PARD3B: variants seen among roughly 807,000 people sequenced by gnomAD.
PARD3B encodes the protein par-3 family cell polarity regulator beta.
In PARD3B, 103 loss-of-function variants were observed where a neutral mutation model predicts 130.2. The observed-to-expected ratio is 0.79, with a 90% CI of 0.67 to 0.93. The LOEUF is 0.93. Among genes scored for constraint, PARD3B ranks in the 40% least tolerant of loss-of-function variants. The probability of loss-of-function intolerance (pLI) is 0.00; values close to 1 mark genes in which losing one functional copy is unlikely to be tolerated. For missense variants in PARD3B, 1,609 were observed against 1,499.2 expected (o/e 1.07, Z -1.21); for synonymous variants, 583 against 553.2 (o/e 1.05, Z -0.76).
chr2:205,598,680 A>C (rs1311905643), intron 22 of PARD3B, among the ~76,000 whole-genome samples: 1 of 152,204 alleles, frequency 6.6e-6, no homozygotes, highest in African/African-American at 2.4e-5. Context: ...TCTCATCTGC[A>C]CAGGGAACAT....
intron 15 of PARD3B, among the ~76,000 whole-genome samples, chr2:205,194,955 T>TC (rs1468856415): frequency 1.4e-5 from 2 of 139,554 alleles, no homozygotes; most frequent in Non-Finnish European, 3.1e-5. Flanking sequence ...GGCTAATTTT[T>TC]TTTTTTTTTT....
chr2:204,712,771 G>A (rs999890883), intron 2 of PARD3B, among the ~76,000 whole-genome samples: 6 of 151,918 alleles, frequency 3.9e-5, no homozygotes, highest in Non-Finnish European at 5.9e-5. Context: ...TTAAAAAATA[G>A]AGTAATACCT....
intron 16 of PARD3B, among the ~76,000 whole-genome samples, chr2:205,255,173 C>T (rs2040026135): frequency 6.7e-6 from 1 of 150,362 alleles, no homozygotes; most frequent in African/African-American, 2.5e-5. Flanking sequence ...GAAACCTTCC[C>T]CTGCTTTCTC....
chr2:205,302,063 T>TCC (rs2042024996), intron 18 of PARD3B, among the ~76,000 whole-genome samples: 3 of 99,238 alleles, frequency 3.0e-5, no homozygotes, highest in Non-Finnish European at 4.0e-5. Context: ...CTTTTTTCTT[T>TCC]TCTTTTTTTT....
Position 205,617,024 on chromosome 2 carries a change from A to G in PARD3B, c.*1211A>G, listed in dbSNP as rs2055459350. The stretch of plus-strand genomic sequence containing the variant: ...ATGCAAAAGTGGGGGAAACGGAGAA[A>G]AGGCGCTAAGGCTAAATCCATCTGC... On this transcript the variant is annotated 3_prime_UTR_variant, in exon 23 of 23. Coordinates refer to ENST00000406610, the MANE Select transcript of PARD3B (RefSeq NM_001302769.2). 1 of 154,388 alleles carries G rather than the reference A, an allele frequency of 6.5e-6. No individual in the cohort carries two copies. The highest frequency in any genetic ancestry group is 6.5e-5 in the Admixed American group (1 of 15,288). 9.6% of individuals were successfully genotyped at this position (154,388 alleles called of 1,614,324 possible).
At chr2:205,034,786 T>C (rs896461887) in intron 3 of PARD3B, among the ~76,000 whole-genome samples, 1 of 152,184 alleles carries the variant, frequency 6.6e-6, no homozygotes, top group Non-Finnish European at 1.5e-5. Context: ...ATATTAATGA[T>C]ATATTAACAC....
At position 205,615,507 on chromosome 2, in the gene PARD3B, C is replaced by T. The variant is rs1169981278; in HGVS notation, c.3312C>T (p.Leu1104=). The T allele has an allele frequency of 8.1e-6, 13 of 1,613,736 alleles. No individual in the cohort carries two copies. The highest frequency in any genetic ancestry group is 1.1e-5 in the South Asian group (1 of 91,008). ...VDYLPAAPRG[L]YKERELPYYP... ...ATCTGCCAGCAGCACCTCGGGGGCT[C>T]TACAAGGAAAGGGAGCTTCCCTATT... The change falls in exon 23 of 23, where the codon CTC becomes CTT. Residue 1104 remains leucine (L), a synonymous_variant. Transcript: ENST00000406610.
chr2:205,088,558 A>C (rs1701884057), intron 4 of PARD3B, among the ~76,000 whole-genome samples: 1 of 152,146 alleles, frequency 6.6e-6, no homozygotes, highest in South Asian at 2.1e-4. Context: ...GGAAGAGAAA[A>C]CTATGTTAAG....
At chr2:204,766,443 T>C (rs1349233243) in intron 2 of PARD3B, among the ~76,000 whole-genome samples, 1 of 152,180 alleles carries the variant, frequency 6.6e-6, no homozygotes. Context: ...CCACCCATGG[T>C]AACTATTGTC....
At position 204,805,910 on chromosome 2, in the gene PARD3B, C is replaced by T. The variant is rs538413013; in HGVS notation, c.222+119628C>T. On this transcript the variant is annotated intron_variant, in intron 2 of 22. Transcript: ENST00000406610. ...AATAACTGAGTGTAGAAGGAACATA[C>T]CTCAACACAATAAAAGCCACATATG... 2.0e-4 allele frequency among the ~76,000 whole-genome samples: 31 copies of T among 152,132 alleles called. 1 individual carries two copies. The South Asian group carries it at 6.4e-3, about 32-fold the overall frequency.
intron 21 of PARD3B, among the ~76,000 whole-genome samples, chr2:205,505,651 G>A: frequency 6.6e-6 from 1 of 152,160 alleles, no homozygotes; most frequent in Admixed American, 6.5e-5. Context: ...CATAATACCT[G>A]TTATCTGCTG....
chr2:204,860,894 C>T (rs2125626610), intron 2 of PARD3B, among the ~76,000 whole-genome samples: 1 of 152,236 alleles, frequency 6.6e-6, no homozygotes, highest in South Asian at 2.1e-4. Context: ...AGCAGTGGTT[C>T]TTGTTTAGCA....
chr2:205,583,400 T>TGTGTGCGC lies in PARD3B; in HGVS notation c.3260+29998_3260+29999insTGTGCGCG, dbSNP rs1192785640. On this transcript the variant is annotated intron_variant, in intron 22 of 22. Transcript: ENST00000406610. ...CTCTGTGTGTGTGTGTGTGTGTGTG[T>TGTGTGCGC]GCGCGCGCACGCGCGTGTGAGAGAG... Among the ~76,000 whole-genome samples the TGTGTGCGC allele has an allele frequency of 3.0e-3, 402 of 133,992 alleles. 3 individuals are homozygous for TGTGTGCGC. Among genetic ancestry groups the TGTGTGCGC allele is most frequent in the East Asian group, 0.017 (81 of 4,786 alleles). The allele number at this position is 133,992 out of a possible 152,430, so 87.9% of individuals were successfully genotyped here.
chr2:205,543,544 T>C (rs1055730683), intron 21 of PARD3B, among the ~76,000 whole-genome samples: 1 of 152,210 alleles, frequency 6.6e-6, no homozygotes, highest in African/African-American at 2.4e-5. Flanking sequence ...ACAGTAATTA[T>C]GTGATCACTG....
chr2:204,779,943 T>A (rs1305358813), intron 2 of PARD3B, among the ~76,000 whole-genome samples: 1 of 152,152 alleles, frequency 6.6e-6, no homozygotes. Context: ...AATGGTGCAT[T>A]TTATATAAAA....
At chr2:205,487,417 T>C (rs1445453317) in intron 20 of PARD3B, among the ~76,000 whole-genome samples, 1 of 152,098 alleles carries the variant, frequency 6.6e-6, no homozygotes. Context: ...CTTTTCACTA[T>C]GCACTATCCT....
chr2:205,489,522 T>TATACACGTATATATATAC (rs1559141351), intron 20 of PARD3B, among the ~76,000 whole-genome samples: 1 of 126,416 alleles, frequency 7.9e-6, no homozygotes, highest in African/African-American at 2.9e-5. Flanking sequence ...TATATATATA[T>TATACACGTATATATATAC]ACACACATAT....
intron 20 of PARD3B, among the ~76,000 whole-genome samples, chr2:205,471,420 G>A (rs2048829818): frequency 7.0e-6 from 1 of 143,754 alleles, no homozygotes; most frequent in Non-Finnish European, 1.5e-5. Flanking sequence ...ATAGTGCAGT[G>A]GCGCAATCTC....
intron 2 of PARD3B, among the ~76,000 whole-genome samples, chr2:204,847,839 A>G (rs1209643437): frequency 1.3e-5 from 2 of 152,236 alleles, no homozygotes; most frequent in Non-Finnish European, 2.9e-5. Flanking sequence ...TAATAAGGAA[A>G]GGAAAACATC....
Sources: gnomAD v4.1 joint callset for allele counts (sites outside exome capture counted in the v4.1 genomes callset) on GRCh38, gnomAD v4.1.1 for gene constraint, MANE v1.5 for transcripts, NCBI Gene and HGNC (gene_info 2026-07-23, HGNC 2026-07-21) for gene names.